Variants in SPATS2 observed in about 807,000 individuals in gnomAD.
SPATS2 encodes the protein spermatogenesis-associated serine-rich protein 2.
In SPATS2, 38 loss-of-function variants were observed where a neutral mutation model predicts 63.7. That is an observed-to-expected ratio of 0.60 (90% CI 0.46 to 0.78). The LOEUF is 0.78. Ranked by LOEUF, SPATS2 falls within the 30% of genes least tolerant of loss-of-function variation. The pLI is 0.00. For synonymous variants in SPATS2, 207 were observed against 232.9 expected (o/e 0.89, Z 1.01); for missense variants, 588 against 666.2 (o/e 0.88, Z 1.29).
At chr12:49,368,522 C>T (rs962376245) in intron 1 of SPATS2, among the ~76,000 whole-genome samples, 1 of 152,152 alleles carries the variant, frequency 6.6e-6, no homozygotes, top group Non-Finnish European at 1.5e-5. Context: ...GTTACCTGTA[C>T]TTTGTTAGAA....
intron 10 of SPATS2, among the ~76,000 whole-genome samples, chr12:49,516,360 G>C (rs1237446008): frequency 4.2e-5 from 5 of 119,348 alleles, no homozygotes; most frequent in Non-Finnish European, 7.9e-5. Flanking sequence ...ACCCTGTCTT[G>C]AAATTAAAAA....
chr12:49,397,131 CCTCTT>C (rs1261396878), intron 2 of SPATS2, among the ~76,000 whole-genome samples: 2 of 152,156 alleles, frequency 1.3e-5, no homozygotes, highest in African/African-American at 4.8e-5. Flanking sequence ...ACTGCCACCA[CCTCTT>C]CTCTTATCAT....
At chr12:49,458,643 G>T (rs1451258748) in intron 2 of SPATS2, among the ~76,000 whole-genome samples, 1 of 152,020 alleles carries the variant, frequency 6.6e-6, no homozygotes, top group Non-Finnish European at 1.5e-5. Context: ...AGCTGGGCAT[G>T]GTGGTGCATG....
chr12:49,423,089 G>T (rs1458140790), intron 2 of SPATS2, among the ~76,000 whole-genome samples: 1 of 151,422 alleles, frequency 6.6e-6, no homozygotes, highest in African/African-American at 2.4e-5. Context: ...TCCCTATTTG[G>T]GGGAAAACCC....
At chr12:49,469,561 A>AAG (rs1565737906) in intron 3 of SPATS2, 1 of 431,506 alleles carries the variant, frequency 2.3e-6, no homozygotes, top group South Asian at 1.7e-5. Flanking sequence ...AAAAAAAAAA[A>AAG]AAAGAAAAAA....
chr12:49,477,685 T>A (rs1412982734), intron 3 of SPATS2, among the ~76,000 whole-genome samples: 1 of 152,220 alleles, frequency 6.6e-6, no homozygotes, highest in African/African-American at 2.4e-5. Context: ...TTCAAAAGGC[T>A]ACAATAGCAC....
intron 2 of SPATS2, among the ~76,000 whole-genome samples, chr12:49,453,987 C>T (rs996051324): frequency 1.3e-5 from 2 of 151,464 alleles, no homozygotes; most frequent in Admixed American, 6.6e-5. Flanking sequence ...CTCAGCCTCC[C>T]GAGTAGCTGG....
At chr12:49,504,863 A>G (rs911049534) in intron 9 of SPATS2, among the ~76,000 whole-genome samples, 1 of 149,984 alleles carries the variant, frequency 6.7e-6, no homozygotes, top group Admixed American at 6.7e-5. Flanking sequence ...CCCAGGCTCA[A>G]GGGATCCTCC....
intron 11 of SPATS2, among the ~76,000 whole-genome samples, chr12:49,520,911 G>T (rs921094598): frequency 4.6e-5 from 7 of 151,852 alleles, no homozygotes; most frequent in Admixed American, 1.3e-4. Context: ...TAGAGACAGG[G>T]TTTCACCATG....
At chr12:49,513,260 C>G (rs925285866) in intron 9 of SPATS2, among the ~76,000 whole-genome samples, 3 of 151,854 alleles carry the variant, frequency 2.0e-5, no homozygotes, top group Admixed American at 2.0e-4. Flanking sequence ...CAACCAGAAA[C>G]AAGAGTGGAA....
chr12:49,452,846 A>AT lies in SPATS2; in HGVS notation c.-243-7916dup, dbSNP rs558206000. The stretch of plus-strand genomic sequence containing the variant: ...TTTTTGTTTGAGGCATTGTTCTACT[A>AT]TTTTTTTTAGTCCTTTAAAGAAATT... On this transcript the variant is annotated intron_variant, in intron 2 of 13. Transcript: ENST00000552918. Among the ~76,000 whole-genome samples, 76 of 150,962 alleles carry AT rather than the reference A, an allele frequency of 5.0e-4. No individual in the cohort carries two copies. In the South Asian group the frequency reaches 0.012, roughly 25 times the overall value.
intron 9 of SPATS2, among the ~76,000 whole-genome samples, chr12:49,504,754 T>TTTTCTTTC (rs60002183): frequency 6.7e-5 from 9 of 134,640 alleles, no homozygotes; most frequent in African/African-American, 2.6e-4. Flanking sequence ...TTCCTGTTTC[T>TTTTCTTTC]TTTCTTTCTT....
chr12:49,494,629 T>TA, intron 6 of SPATS2, 112 bp from the exon 7 acceptor site: 1 of 1,063,354 alleles, frequency 9.4e-7, no homozygotes, highest in Middle Eastern at 2.9e-4. Context: ...TGAAAGAACA[T>TA]ACAAGAAATT....
intron 12 of SPATS2, among the ~76,000 whole-genome samples, chr12:49,523,410 A>C (rs1422899044): frequency 6.6e-6 from 1 of 151,892 alleles, no homozygotes; most frequent in Non-Finnish European, 1.5e-5. Context: ...GGGGGAAGAT[A>C]GCTTGAGCCA....
chr12:49,499,572 G>T (rs375998286), intron 8 of SPATS2, among the ~76,000 whole-genome samples: 2 of 151,926 alleles, frequency 1.3e-5, no homozygotes, highest in South Asian at 2.1e-4. Context: ...GCTCTCTCAT[G>T]TGTGTAGCTC....
intron 5 of SPATS2, among the ~76,000 whole-genome samples, chr12:49,489,929 A>T (rs115203788): frequency 6.6e-6 from 1 of 152,206 alleles, no homozygotes; most frequent in African/African-American, 2.4e-5. Flanking sequence ...ACAGATGGCA[A>T]ATTCAAGGAC....
At chr12:49,397,671 TAAAAAA>T (rs376475270) in intron 2 of SPATS2, among the ~76,000 whole-genome samples, 303 of 150,188 alleles carry the variant, frequency 2.0e-3, no homozygotes, top group African/African-American at 6.8e-3. Context: ...CTACAAAAAA[TAAAAAA>T]AAGCTAGCTG....
chr12:49,435,663 TTAA>T (rs1358711392), intron 2 of SPATS2, among the ~76,000 whole-genome samples: 3 of 148,758 alleles, frequency 2.0e-5, no homozygotes, highest in Middle Eastern at 3.4e-3. Flanking sequence ...TTTTTTTTTT[TTAA>T]TTGATCATTC....
At chr12:49,476,638 G>A (rs1310019826) in intron 3 of SPATS2, among the ~76,000 whole-genome samples, 1 of 152,152 alleles carries the variant, frequency 6.6e-6, no homozygotes, top group Admixed American at 6.5e-5. Context: ...TCCCCTAGAG[G>A]TTTGAGCAGC....
Sources: gnomAD v4.1 joint callset for allele counts (sites outside exome capture counted in the v4.1 genomes callset) on GRCh38, gnomAD v4.1.1 for gene constraint, MANE v1.5 for transcripts, NCBI Gene and HGNC (gene_info 2026-07-23, HGNC 2026-07-21) for gene names.